IMMP2L: variants seen among roughly 807,000 people sequenced by gnomAD.
IMMP2L encodes inner mitochondrial membrane peptidase subunit 2, also known as mitochondrial inner membrane protease subunit 2.
In IMMP2L, 18 loss-of-function variants were observed where a neutral mutation model predicts 19.3. That is an observed-to-expected ratio of 0.93 (90% CI 0.64 to 1.38). The LOEUF (loss-of-function observed/expected upper bound fraction) is 1.38, where lower values mean the gene tolerates loss of function less well. Among genes scored for constraint, IMMP2L ranks in the 40% most tolerant of loss-of-function variants. IMMP2L has a pLI of 0.00. For synonymous variants in IMMP2L, 76 were observed against 73.0 expected, an observed-to-expected ratio of 1.04 and a Z score of -0.21; for missense variants, 233 against 218.2, an observed-to-expected ratio of 1.07 and a Z score of -0.43.
intron 5 of IMMP2L, among the ~76,000 whole-genome samples, chr7:110,721,574 CAAAA>C (rs959135163): frequency 2.0e-5 from 3 of 151,804 alleles, no homozygotes; most frequent in Non-Finnish European, 2.9e-5. Context: ...AACACACAAA[CAAAA>C]AAACACAATT....
At chr7:111,424,074 C>A (rs547118196) in intron 3 of IMMP2L, among the ~76,000 whole-genome samples, 2 of 151,970 alleles carry the variant, frequency 1.3e-5, no homozygotes, top group East Asian at 3.9e-4. Context: ...ATCACGTATA[C>A]CAACATGCCC....
At chr7:111,371,604 G>C (rs1224078472) in intron 3 of IMMP2L, among the ~76,000 whole-genome samples, 1 of 152,010 alleles carries the variant, frequency 6.6e-6, no homozygotes, top group African/African-American at 2.4e-5. Flanking sequence ...TGTTCACCAT[G>C]TAACGATACA....
intron 3 of IMMP2L, among the ~76,000 whole-genome samples, chr7:111,455,582 T>C (rs1007410467): frequency 6.7e-6 from 1 of 148,884 alleles, no homozygotes; most frequent in Non-Finnish European, 1.5e-5. Flanking sequence ...CATTATATGA[T>C]ATAAGTTTAC....
intron 3 of IMMP2L, among the ~76,000 whole-genome samples, chr7:111,003,830 C>T (rs1391590622): frequency 6.6e-6 from 1 of 152,062 alleles, no homozygotes; most frequent in Non-Finnish European, 1.5e-5. Context: ...GTCATTAATT[C>T]CAAATCCAGT....
intron 3 of IMMP2L, among the ~76,000 whole-genome samples, chr7:111,016,606 T>G (rs1825609540): frequency 9.1e-6 from 1 of 110,268 alleles, no homozygotes. Flanking sequence ...TACTATATAT[T>G]ATATATAATA....
intron 3 of IMMP2L, among the ~76,000 whole-genome samples, chr7:111,400,647 G>C (rs973415351): frequency 6.6e-6 from 1 of 151,974 alleles, no homozygotes; most frequent in African/African-American, 2.4e-5. Context: ...CCTTCCCCAT[G>C]TTAAATTTGT....
intron 3 of IMMP2L, among the ~76,000 whole-genome samples, chr7:111,090,165 T>C (rs1167766474): frequency 2.6e-5 from 4 of 152,136 alleles, no homozygotes; most frequent in African/African-American, 9.7e-5. Flanking sequence ...CTTTTTGATT[T>C]TTCATGTATG....
intron 4 of IMMP2L, among the ~76,000 whole-genome samples, chr7:110,910,160 G>A (rs1270728502): frequency 6.6e-6 from 1 of 152,162 alleles, no homozygotes; most frequent in Admixed American, 6.5e-5. Context: ...TTGGGATGAA[G>A]CGTGAAATAC....
intron 3 of IMMP2L, among the ~76,000 whole-genome samples, chr7:110,985,281 T>A (rs1821739041): frequency 6.6e-6 from 1 of 152,264 alleles, no homozygotes; most frequent in East Asian, 1.9e-4. Flanking sequence ...AGTAATTTAT[T>A]ACAGCAGCAA....
chr7:111,142,984 CTA>C (rs1293694967), intron 3 of IMMP2L, among the ~76,000 whole-genome samples: 1 of 152,082 alleles, frequency 6.6e-6, no homozygotes. Context: ...GTTTAAGAGA[CTA>C]TATATTTACT....
At chr7:111,285,463 T>C (rs1176157200) in intron 3 of IMMP2L, among the ~76,000 whole-genome samples, 4 of 152,132 alleles carry the variant, frequency 2.6e-5, no homozygotes, top group Admixed American at 2.6e-4. Context: ...TATGAAATCA[T>C]GATATCATTA....
At chr7:111,012,753 C>T (rs1221503718) in intron 3 of IMMP2L, among the ~76,000 whole-genome samples, 2 of 152,108 alleles carry the variant, frequency 1.3e-5, no homozygotes, top group African/African-American at 2.4e-5. Flanking sequence ...ATCACTTTAG[C>T]TTACAGATTT....
intron 4 of IMMP2L, among the ~76,000 whole-genome samples, chr7:110,937,306 T>C (rs1816230252): frequency 6.6e-6 from 1 of 152,214 alleles, no homozygotes; most frequent in South Asian, 2.1e-4. Context: ...TGTGAATATA[T>C]GTGAAGATCC....
At position 111,303,838 on chromosome 7, in the gene IMMP2L, C is replaced by T. The variant is rs752749631; in HGVS notation, c.239+183400G>A. 6.4e-4 allele frequency among the ~76,000 whole-genome samples: 97 copies of T among 151,550 alleles called. 2 individuals carry two copies. The highest frequency in any genetic ancestry group is 4.8e-3 in the Admixed American group (73 of 15,200). ...TGGTGAGACCTCATCATTTAATGTG[C>T]AATAAAAGAAAAAAAGGTGTGATGG... is the stretch of plus-strand genomic sequence containing the variant. On this transcript the variant is annotated intron_variant, in intron 3 of 5. Coordinates refer to ENST00000405709, the MANE Select transcript of IMMP2L (RefSeq NM_032549.4).
intron 5 of IMMP2L, among the ~76,000 whole-genome samples, chr7:110,748,304 T>G (rs371077580): frequency 6.6e-6 from 1 of 152,126 alleles, no homozygotes; most frequent in Non-Finnish European, 1.5e-5. Context: ...ATCAATATCA[T>G]CAAAATGGCC....
intron 3 of IMMP2L, among the ~76,000 whole-genome samples, chr7:111,406,728 T>C (rs1833928451): frequency 6.6e-6 from 1 of 152,078 alleles, no homozygotes; most frequent in Non-Finnish European, 1.5e-5. Flanking sequence ...AATCACTCTC[T>C]CTAAATTAGT....
At chr7:111,116,314 T>A (rs1404847956) in intron 3 of IMMP2L, among the ~76,000 whole-genome samples, 1 of 152,144 alleles carries the variant, frequency 6.6e-6, no homozygotes, top group Non-Finnish European at 1.5e-5. Flanking sequence ...CCCCTCCTTT[T>A]AAAAAAATCT....
intron 5 of IMMP2L, among the ~76,000 whole-genome samples, chr7:110,668,544 C>T (rs1247379014): frequency 2.6e-5 from 4 of 152,168 alleles, no homozygotes; most frequent in South Asian, 2.1e-4. Context: ...TATATCTGCT[C>T]GCTTGCTTAG....
chr7:110,955,050 A>T (rs1818225630), intron 4 of IMMP2L, among the ~76,000 whole-genome samples: 1 of 152,092 alleles, frequency 6.6e-6, no homozygotes, highest in Non-Finnish European at 1.5e-5. Flanking sequence ...GACATTTTTC[A>T]CATTTATTAA....
Sources: allele counts gnomAD v4.1 joint callset (sites outside exome capture counted in the v4.1 genomes callset), GRCh38; gene constraint gnomAD v4.1.1; transcripts MANE v1.5; gene names NCBI Gene and HGNC (gene_info 2026-07-23, HGNC 2026-07-21).